Variants in CTTNBP2 observed in about 807,000 individuals in gnomAD.
CTTNBP2 encodes cortactin-binding protein 2.
Under a neutral mutation model 156.9 loss-of-function variants are expected in CTTNBP2, and 108 were observed. The ratio of observed to expected loss-of-function variants is 0.69; its 90% confidence interval spans 0.59 to 0.81. CTTNBP2 has a LOEUF of 0.81. CTTNBP2 is among the 30% of genes least tolerant of loss of function. CTTNBP2 has a pLI of 0.00. For missense variants in CTTNBP2, 1,924 were observed against 2,035.4 expected (o/e 0.95, Z 1.05); for synonymous variants, 767 against 751.8 (o/e 1.02, Z -0.33).
chr7:117,858,349 G>A (rs753220678), intron 2 of CTTNBP2, among the ~76,000 whole-genome samples: 10 of 152,114 alleles, frequency 6.6e-5, no homozygotes, highest in Non-Finnish European at 7.4e-5. Context: ...CAGCCTGGGC[G>A]ACAGAGTGAG....
chr7:117,780,207 C>G (rs902067446), intron 7 of CTTNBP2, among the ~76,000 whole-genome samples: 1 of 152,124 alleles, frequency 6.6e-6, no homozygotes, highest in Non-Finnish European at 1.5e-5. Flanking sequence ...TATTTGTTTT[C>G]CTGTTTGACA....
At chr7:117,827,919 T>C (rs1801382471) in intron 2 of CTTNBP2, among the ~76,000 whole-genome samples, 1 of 152,124 alleles carries the variant, frequency 6.6e-6, no homozygotes, top group African/African-American at 2.4e-5. Flanking sequence ...GAGCGAATGG[T>C]GGGGGCAGTT....
intron 4 of CTTNBP2, among the ~76,000 whole-genome samples, chr7:117,785,888 GA>G (rs1798679469): frequency 6.6e-6 from 1 of 152,122 alleles, no homozygotes; most frequent in Non-Finnish European, 1.5e-5. Flanking sequence ...CTTAGCAGTG[GA>G]ATACAAGGCA....
At chr7:117,840,366 A>T (rs1802198697) in intron 2 of CTTNBP2, among the ~76,000 whole-genome samples, 1 of 152,120 alleles carries the variant, frequency 6.6e-6, no homozygotes, top group African/African-American at 2.4e-5. Flanking sequence ...CTTAAAAAAA[A>T]AAAAATTCTA....
chr7:117,827,244 G>A (rs1801340142), intron 2 of CTTNBP2, among the ~76,000 whole-genome samples: 1 of 152,240 alleles, frequency 6.6e-6, no homozygotes, highest in South Asian at 2.1e-4. Flanking sequence ...CAATCATCAT[G>A]TTGTGGGAGA....
At chr7:117,819,363 TCTCTCACA>T (rs1563039806) in intron 2 of CTTNBP2, among the ~76,000 whole-genome samples, 2 of 135,242 alleles carry the variant, frequency 1.5e-5, no homozygotes, top group South Asian at 2.6e-4. Context: ...TCCTTCTCTC[TCTCTCACA>T]CACACACACA....
At chr7:117,873,301 A>G in intron 1 of CTTNBP2, 34 bp downstream of exon 1, 1 of 1,405,378 alleles carries the variant, frequency 7.1e-7, no homozygotes, top group Non-Finnish European at 9.3e-7. Flanking sequence ...CCGCGTCTAC[A>G]CTAGCCCCGC....
chr7:117,849,315 G>A (rs925708024), intron 2 of CTTNBP2, among the ~76,000 whole-genome samples: 6 of 152,204 alleles, frequency 3.9e-5, no homozygotes, highest in African/African-American at 1.4e-4. Context: ...CAGAGGACTT[G>A]TGGAAACACG....
At chr7:117,801,322 T>C (rs921398206) in intron 3 of CTTNBP2, among the ~76,000 whole-genome samples, 1 of 152,184 alleles carries the variant, frequency 6.6e-6, no homozygotes, top group African/African-American at 2.4e-5. Flanking sequence ...ATGCAAAAGC[T>C]GAATAAAATC....
intron 1 of CTTNBP2, among the ~76,000 whole-genome samples, chr7:117,870,791 C>T (rs541744779): frequency 1.3e-4 from 20 of 152,268 alleles, no homozygotes; most frequent in African/African-American, 3.6e-4. Flanking sequence ...TTTCCCGGCA[C>T]GGTTCACGGC....
At chr7:117,749,759 C>T (rs887791031) in intron 12 of CTTNBP2, among the ~76,000 whole-genome samples, 1 of 151,708 alleles carries the variant, frequency 6.6e-6, no homozygotes, top group Non-Finnish European at 1.5e-5. Flanking sequence ...GATAATATTT[C>T]CTACCTAATT....
At position 117,760,553 on chromosome 7, in the gene CTTNBP2, T is replaced by C; in HGVS notation, c.3054A>G (p.Thr1018=). Residue 1018 remains threonine, a synonymous_variant, in exon 10 of 23, where the codon ACA becomes ACG. Transcript: ENST00000160373. Reference sequence around the variant, plus strand: ...CAGAAGAGATTGCCTGGAAATGATTTGTCAGAGCTTGACTCACTGCTTTTG... The same window carrying C: ...CAGAAGAGATTGCCTGGAAATGATTCGTCAGAGCTTGACTCACTGCTTTTG... The part of the protein sequence containing the change: ...DFSKAVSQAL[T]NHFQAISSDG... 6.2e-7 allele frequency: 1 copy of C among 1,614,188 alleles called. No homozygotes were observed.
chr7:117,833,937 C>T (rs1171871142), intron 2 of CTTNBP2, among the ~76,000 whole-genome samples: 2 of 152,176 alleles, frequency 1.3e-5, no homozygotes, highest in African/African-American at 4.8e-5. Context: ...TCAGTAATAA[C>T]CTTAGATGCT....
At chr7:117,726,063 T>C (rs933244797) in intron 17 of CTTNBP2, among the ~76,000 whole-genome samples, 4 of 152,320 alleles carry the variant, frequency 2.6e-5, no homozygotes, top group East Asian at 1.9e-4. Flanking sequence ...CTCAGTTCTA[T>C]AGGGAGGATG....
intron 3 of CTTNBP2, among the ~76,000 whole-genome samples, chr7:117,797,804 A>G (rs954884381): frequency 2.6e-5 from 4 of 152,204 alleles, no homozygotes; most frequent in Admixed American, 1.3e-4. Flanking sequence ...TCTTATTTAT[A>G]TCTAGGGCAA....
chr7:117,750,391 T>C (rs1287146889), intron 12 of CTTNBP2, among the ~76,000 whole-genome samples: 8 of 152,226 alleles, frequency 5.3e-5, no homozygotes, highest in African/African-American at 1.9e-4. Flanking sequence ...TGTAAGCCCT[T>C]TGCATTTACA....
At chr7:117,738,948 G>C (rs1260838437) in intron 14 of CTTNBP2, among the ~76,000 whole-genome samples, 1 of 152,108 alleles carries the variant, frequency 6.6e-6, no homozygotes, top group Non-Finnish European at 1.5e-5. Flanking sequence ...AGACAAAAAG[G>C]GGGAAGGGCT....
At position 117,722,048 on chromosome 7, in the gene CTTNBP2, T is replaced by C. The variant is rs59961329; in HGVS notation, c.4448-918A>G. On this transcript the variant is annotated intron_variant, in intron 19 of 22. Coordinates refer to ENST00000160373, the MANE Select transcript of CTTNBP2 (RefSeq NM_033427.3). Reference sequence around the variant, plus strand: ...CAAAGAAAATCACTGTCGAGTTTCTTTAGTCATACTTCTGTCATTATTGTC... The same window carrying C: ...CAAAGAAAATCACTGTCGAGTTTCTCTAGTCATACTTCTGTCATTATTGTC... Among the ~76,000 whole-genome samples the C allele has an allele frequency of 4.4e-3, 670 of 152,354 alleles. 12 individuals are homozygous for C. The highest frequency in any genetic ancestry group is 0.015 in the African/African-American group (632 of 41,588).
chr7:117,746,055 G>T lies in CTTNBP2; in HGVS notation c.3393C>A (p.Ser1131Arg). 2 of 1,614,072 alleles carry T rather than the reference G, an allele frequency of 1.2e-6. No individual in the cohort carries two copies. Among genetic ancestry groups the T allele is most frequent in the East Asian group, 4.5e-5 (2 of 44,876 alleles). The part of the protein sequence containing the change: ...HNVIFHGPEG[S>R]LQDYIVHQLA... The stretch of plus-strand genomic sequence containing the variant: ...GCTGATGTACTATGTAGTCTTGCAA[G>T]CTTCCTTCTGGGCCGTGGAAAATGA... The change falls in exon 13 of 23, where the codon AGC becomes AGA. Residue 1131 changes from serine to arginine, a missense_variant. By Grantham distance (110) the Ser-to-Arg change is moderately radical. Transcript: ENST00000160373.
Sources: gnomAD v4.1 joint callset for allele counts (sites outside exome capture counted in the v4.1 genomes callset) on GRCh38, gnomAD v4.1.1 for gene constraint, MANE v1.5 for transcripts, NCBI Gene and HGNC (gene_info 2026-07-23, HGNC 2026-07-21) for gene names.